The following SUGCT variants were observed in gnomAD, a reference collection of about 807,000 sequenced individuals.
SUGCT encodes succinyl-CoA:glutarate-CoA transferase.
In SUGCT, 41 loss-of-function variants were observed where a neutral mutation model predicts 55.0. The ratio of observed to expected loss-of-function variants is 0.74; its 90% CI spans 0.58 to 0.97. The LOEUF is 0.97. Among genes scored for constraint, SUGCT ranks in the 50% least tolerant of loss-of-function variants. The pLI, the probability that SUGCT is intolerant of heterozygous loss-of-function variation, is 0.00. For missense variants in SUGCT, 568 were observed against 547.8 expected, an observed-to-expected ratio of 1.04 and a Z score of -0.37; for synonymous variants, 187 against 200.4, an observed-to-expected ratio of 0.93 and a Z score of 0.56.
chr7:40,182,031 A>G lies in SUGCT; in HGVS notation c.226+3A>G. The G allele has an allele frequency of 6.4e-7, 1 of 1,553,238 alleles. No homozygotes were observed. Among genetic ancestry groups the G allele is most frequent in the Non-Finnish European group, 8.8e-7 (1 of 1,135,474 alleles). ...AGTTATAAAAGTGGAGAGACCAGGT[A>G]AAGCTATTACTCCCTTTAAAAAATA... On this transcript the variant is annotated splice_donor_region_variant and intron_variant, in intron 3 of 13. Transcript: ENST00000335693.
intron 12 of SUGCT, among the ~76,000 whole-genome samples, chr7:40,696,574 T>C (rs1784942746): frequency 6.6e-6 from 1 of 152,186 alleles, no homozygotes; most frequent in Admixed American, 6.5e-5. Flanking sequence ...CTGTAGTCAT[T>C]ATCAGAACCT....
rs901391595 is a variant in SUGCT at position 40,151,011 on chromosome 7, C to T, written c.100+15891C>T. ...CAGCACTTCGGGAGGCTGAGGCGGG[C>T]GGATTGCAAGATCAGGAGATTGAGA... On this transcript the variant is annotated intron_variant, in intron 1 of 13. Coordinates refer to ENST00000335693, the MANE Select transcript of SUGCT (RefSeq NM_001193313.2). Among the ~76,000 whole-genome samples, 3 of 151,944 alleles carry T rather than the reference C, an allele frequency of 2.0e-5. No individual in the cohort carries two copies. In the South Asian group the frequency reaches 6.2e-4, roughly 32 times the overall value.
At chr7:40,898,129 C>T in the SUGCT span, among the ~76,000 whole-genome samples, 1 of 151,934 alleles carries the variant, frequency 6.6e-6, no homozygotes, top group South Asian at 2.1e-4. Flanking sequence ...ACTCGTGAAG[C>T]CAGCAAGACC....
chr7:40,361,148 C>A (rs1421749093), intron 9 of SUGCT, among the ~76,000 whole-genome samples: 3 of 151,960 alleles, frequency 2.0e-5, no homozygotes, highest in Non-Finnish European at 4.4e-5. Context: ...AATGACTTTA[C>A]CTATAGACTG....
At chr7:40,728,080 A>G (rs1786702636) in intron 12 of SUGCT, among the ~76,000 whole-genome samples, 1 of 152,212 alleles carries the variant, frequency 6.6e-6, no homozygotes. Context: ...AAGATGAAGA[A>G]TATTAGGATT....
intron 6 of SUGCT, among the ~76,000 whole-genome samples, chr7:40,199,094 G>C (rs1786454670): frequency 6.6e-6 from 1 of 151,364 alleles, no homozygotes. Context: ...TGCACATGTT[G>C]TGATTGAGAT....
At chr7:40,161,996 A>G (rs1429556127) in intron 1 of SUGCT, among the ~76,000 whole-genome samples, 1 of 151,968 alleles carries the variant, frequency 6.6e-6, no homozygotes, top group African/African-American at 2.4e-5. Context: ...TCCCGGGTTC[A>G]AGCCATTCTC....
chr7:40,944,224 A>G, the SUGCT span, among the ~76,000 whole-genome samples: 12 of 152,004 alleles, frequency 7.9e-5, no homozygotes, highest in East Asian at 1.9e-4. Flanking sequence ...CTCCCATTTT[A>G]TAGGTTGCCT....
intron 9 of SUGCT, among the ~76,000 whole-genome samples, chr7:40,389,409 G>A (rs368739286): frequency 2.6e-5 from 4 of 151,772 alleles, no homozygotes; most frequent in South Asian, 2.1e-4. Flanking sequence ...TCATGACTAC[G>A]CCACTGTACT....
chr7:41,028,478 C>T, the SUGCT span, among the ~76,000 whole-genome samples: 16 of 152,182 alleles, frequency 1.1e-4, no homozygotes, highest in African/African-American at 3.4e-4. Flanking sequence ...GCAAAGTCAT[C>T]GCTGTGGGAG....
intron 3 of SUGCT, among the ~76,000 whole-genome samples, chr7:40,183,170 G>C (rs1488852731): frequency 2.0e-5 from 3 of 152,156 alleles, no homozygotes; most frequent in African/African-American, 7.2e-5. Context: ...CTACTTGGGA[G>C]GCTGAGGCAG....
chr7:40,265,039 G>A lies in SUGCT; in HGVS notation c.577-9474G>A, dbSNP rs188999258. 9.2e-5 allele frequency among the ~76,000 whole-genome samples: 14 copies of A among 152,226 alleles called. No individual in the cohort carries two copies. The East Asian group carries it at 2.7e-3, about 29-fold the overall frequency. The stretch of plus-strand genomic sequence containing the variant: ...ACAACTGAGAAAAAAACTAAGAAAG[G>A]CCAAGAACTTCTCCAAAGGTTGTGT... On this transcript the variant is annotated intron_variant, in intron 7 of 13. Transcript: ENST00000335693.
chr7:40,476,387 A>AT (rs1485424015), intron 11 of SUGCT, among the ~76,000 whole-genome samples: 3 of 151,918 alleles, frequency 2.0e-5, no homozygotes, highest in South Asian at 2.1e-4. Flanking sequence ...ATTATCTGCC[A>AT]TTTTTTTTAA....
At chr7:40,356,150 C>T (rs1797878049) in intron 9 of SUGCT, among the ~76,000 whole-genome samples, 1 of 152,194 alleles carries the variant, frequency 6.6e-6, no homozygotes, top group South Asian at 2.1e-4. Context: ...ATGGAAATCT[C>T]ACTTTTTGTT....
At chr7:40,283,675 G>A (rs940822618) in intron 8 of SUGCT, among the ~76,000 whole-genome samples, 5 of 152,184 alleles carry the variant, frequency 3.3e-5, no homozygotes, top group African/African-American at 9.7e-5. Context: ...ATAATAACAA[G>A]TGTTGGTGAG....
At chr7:40,542,949 G>A (rs1369405108) in intron 12 of SUGCT, among the ~76,000 whole-genome samples, 2 of 152,160 alleles carry the variant, frequency 1.3e-5, no homozygotes, top group African/African-American at 4.8e-5. Flanking sequence ...GGTCAATGTA[G>A]GAATAGAATT....
At chr7:40,602,475 A>G (rs1798343109) in intron 12 of SUGCT, among the ~76,000 whole-genome samples, 1 of 152,178 alleles carries the variant, frequency 6.6e-6, no homozygotes, top group African/African-American at 2.4e-5. Context: ...GACTGATCAC[A>G]GGTTCACATT....
At chr7:40,260,277 T>G in intron 7 of SUGCT, among the ~76,000 whole-genome samples, 1 of 152,234 alleles carries the variant, frequency 6.6e-6, no homozygotes, top group East Asian at 1.9e-4. Flanking sequence ...CTTTAGAATA[T>G]TAGTGGCTGA....
the SUGCT span, among the ~76,000 whole-genome samples, chr7:40,928,631 G>T: frequency 2.8e-5 from 4 of 144,794 alleles, no homozygotes; most frequent in Non-Finnish European, 3.0e-5. Flanking sequence ...ACGGAGTCTT[G>T]CTCCATCTCC....
Sources: allele counts gnomAD v4.1 joint callset (sites outside exome capture counted in the v4.1 genomes callset), GRCh38; gene constraint gnomAD v4.1.1; transcripts MANE v1.5; gene names NCBI Gene and HGNC (gene_info 2026-07-23, HGNC 2026-07-21).